Variants in FAM135B observed in about 807,000 individuals in gnomAD.
The protein encoded by FAM135B is family with sequence similarity 135 member B.
In FAM135B, 43 loss-of-function variants were observed where a neutral mutation model predicts 127.7. The observed-to-expected ratio is 0.34, with a 90% confidence interval of 0.26 to 0.43. The LOEUF (loss-of-function observed/expected upper bound fraction) is 0.43, where lower values mean the gene tolerates loss of function less well. Ranked by LOEUF, FAM135B falls within the 20% of genes least tolerant of loss-of-function variation. FAM135B has a pLI of 1.00. For synonymous variants in FAM135B, 670 were observed against 665.1 expected, an observed-to-expected ratio of 1.01 and a Z score of -0.11; for missense variants, 1,558 against 1,725.6, an observed-to-expected ratio of 0.90 and a Z score of 1.72.
chr8:138,256,140 G>GACAGCTCAGCCCAGGGA (rs68090011), intron 5 of FAM135B, among the ~76,000 whole-genome samples: 2 of 53,970 alleles, frequency 3.7e-5, no homozygotes, highest in African/African-American at 5.4e-5. Context: ...TAGTTGGCCT[G>GACAGCTCAGCCCAGGGA]ACAGCTCAGC....
chr8:138,274,073 ATGTT>A (rs1451557719), intron 3 of FAM135B, among the ~76,000 whole-genome samples: 1 of 152,206 alleles, frequency 6.6e-6, no homozygotes, highest in Non-Finnish European at 1.5e-5. Flanking sequence ...TTTCCCAAAT[ATGTT>A]CCTCCTCCTG....
intron 2 of FAM135B, among the ~76,000 whole-genome samples, chr8:138,320,018 GA>G (rs1210329451): frequency 6.6e-6 from 1 of 152,144 alleles, no homozygotes; most frequent in Non-Finnish European, 1.5e-5. Context: ...CTATAAACTG[GA>G]AAAGATAAAG....
At chr8:138,395,490 G>A (rs1832797192) in intron 1 of FAM135B, among the ~76,000 whole-genome samples, 1 of 152,168 alleles carries the variant, frequency 6.6e-6, no homozygotes, top group Non-Finnish European at 1.5e-5. Flanking sequence ...CCACCTGGGT[G>A]ACCTTTGCAC....
Position 138,251,030 on chromosome 8 carries a change from G to A in FAM135B, c.369-16C>T, listed in dbSNP as rs1165179516. ...ATCCCTCAACCTAGAAGGCAAGCAT[G>A]TGAGCTCACGTGAGAAATGGTGGGT... On this transcript the variant is annotated splice_polypyrimidine_tract_variant and intron_variant, in intron 5 of 19. Transcript: ENST00000395297. 6 of 1,613,058 alleles carry A rather than the reference G, an allele frequency of 3.7e-6. No individual in the cohort carries two copies. The highest frequency in any genetic ancestry group is 1.1e-5 in the South Asian group (1 of 91,036).
At chr8:138,169,333 T>G (rs905408883) in intron 11 of FAM135B, among the ~76,000 whole-genome samples, 3 of 150,334 alleles carry the variant, frequency 2.0e-5, no homozygotes, top group African/African-American at 7.4e-5. Flanking sequence ...TGTTCTTCTC[T>G]GAATATTTAA....
chr8:138,167,804 A>T (rs537623369), intron 12 of FAM135B, 91 bp downstream of exon 12: 5 of 1,415,344 alleles, frequency 3.5e-6, no homozygotes, highest in Non-Finnish European at 4.7e-6. Flanking sequence ...ATTTGGTCTC[A>T]CTTTTGCTGG....
At chr8:138,336,802 A>G (rs74638648) in intron 2 of FAM135B, among the ~76,000 whole-genome samples, 1 of 152,132 alleles carries the variant, frequency 6.6e-6, no homozygotes, top group Non-Finnish European at 1.5e-5. Context: ...GAGACACAAC[A>G]AAAAAAGAGA....
intron 9 of FAM135B, among the ~76,000 whole-genome samples, chr8:138,180,434 C>T (rs1221693691): frequency 2.0e-5 from 3 of 152,208 alleles, no homozygotes; most frequent in Non-Finnish European, 4.4e-5. Context: ...CAATCCCATT[C>T]CTTTCTCTTC....
At chr8:138,423,687 C>T (rs1834662387) in intron 1 of FAM135B, among the ~76,000 whole-genome samples, 1 of 152,246 alleles carries the variant, frequency 6.6e-6, no homozygotes, top group Middle Eastern at 3.4e-3. Flanking sequence ...TTCGGGCACA[C>T]ATTTTCATTG....
At chr8:138,258,442 T>G (rs1822278770) in intron 4 of FAM135B, among the ~76,000 whole-genome samples, 1 of 152,238 alleles carries the variant, frequency 6.6e-6, no homozygotes, top group Admixed American at 6.5e-5. Flanking sequence ...CTTTCCTAGC[T>G]TTGTTTTGCA....
intron 18 of FAM135B, among the ~76,000 whole-genome samples, chr8:138,137,769 C>T (rs1349677347): frequency 6.6e-6 from 1 of 152,194 alleles, no homozygotes; most frequent in Non-Finnish European, 1.5e-5. Flanking sequence ...TGCAGCCAGT[C>T]TTGCCTTCCT....
chr8:138,254,480 C>A (rs193225738), intron 5 of FAM135B, among the ~76,000 whole-genome samples: 1 of 151,946 alleles, frequency 6.6e-6, no homozygotes, highest in African/African-American at 2.4e-5. Flanking sequence ...AGTGATAGGG[C>A]GGGGTGGGTT....
chr8:138,217,678 G>A lies in FAM135B; in HGVS notation c.670-20009C>T, dbSNP rs1269359830. 4.6e-5 allele frequency among the ~76,000 whole-genome samples: 7 copies of A among 152,118 alleles called. No individual in the cohort carries two copies. In the East Asian group the frequency reaches 1.2e-3, roughly 25 times the overall value. On this transcript the variant is annotated intron_variant, in intron 7 of 19. Coordinates refer to ENST00000395297, the MANE Select transcript of FAM135B (RefSeq NM_015912.4). The stretch of plus-strand genomic sequence containing the variant: ...AATCTCCTGACCTTGTGATCCGCTC[G>A]CCTCAGCTTACCAAAGTGCTGGGAT...
At chr8:138,315,160 C>G (rs1034953838) in intron 2 of FAM135B, among the ~76,000 whole-genome samples, 2 of 151,918 alleles carry the variant, frequency 1.3e-5, no homozygotes, top group African/African-American at 4.8e-5. Context: ...GACAAAGGAC[C>G]TGAATACACA....
intron 1 of FAM135B, among the ~76,000 whole-genome samples, chr8:138,464,963 C>T (rs1047281905): frequency 6.6e-6 from 1 of 152,168 alleles, no homozygotes; most frequent in East Asian, 1.9e-4. Context: ...GAACTATCAG[C>T]GTTACTCATT....
chr8:138,200,318 T>C (rs565734818), intron 7 of FAM135B, among the ~76,000 whole-genome samples: 1 of 152,310 alleles, frequency 6.6e-6, no homozygotes, highest in Admixed American at 6.5e-5. Context: ...GTAACCCATA[T>C]ATTCACATTT....
intron 4 of FAM135B, among the ~76,000 whole-genome samples, chr8:138,260,727 C>T (rs1822479166): frequency 6.6e-6 from 1 of 152,170 alleles, no homozygotes; most frequent in South Asian, 2.1e-4. Flanking sequence ...ACGACCTCTG[C>T]CATGATGCTC....
At chr8:138,435,183 A>G (rs1587447004) in intron 1 of FAM135B, among the ~76,000 whole-genome samples, 1 of 152,182 alleles carries the variant, frequency 6.6e-6, no homozygotes, top group Non-Finnish European at 1.5e-5. Context: ...CTGTAATCCC[A>G]GCTATTTGGG....
chr8:138,488,025 C>T (rs1275232702), intron 1 of FAM135B, among the ~76,000 whole-genome samples: 2 of 151,458 alleles, frequency 1.3e-5, no homozygotes, highest in South Asian at 2.1e-4. Flanking sequence ...AAAAAAAAGA[C>T]GCCTGTCAGT....
Sources: gnomAD v4.1 joint callset for allele counts (sites outside exome capture counted in the v4.1 genomes callset) on GRCh38, gnomAD v4.1.1 for gene constraint, MANE v1.5 for transcripts, NCBI Gene and HGNC (gene_info 2026-07-23, HGNC 2026-07-21) for gene names.